The following IL34 variants were observed in gnomAD, a reference collection of about 807,000 sequenced individuals.
IL34 encodes the protein interleukin 34.
A neutral mutation model predicts 25.3 loss-of-function variants in IL34; 17 were observed. The observed-to-expected ratio is 0.67, with a 90% CI of 0.46 to 1.01. The LOEUF (loss-of-function observed/expected upper bound fraction) is 1.01, where lower values mean the gene tolerates loss of function less well. Among genes scored for constraint, IL34 ranks in the 50% least tolerant of loss-of-function variants. The pLI, the probability that IL34 is intolerant of heterozygous loss-of-function variation, is 0.00. For missense variants in IL34, 368 were observed against 312.9 expected, an observed-to-expected ratio of 1.18 and a Z score of -1.33; for synonymous variants, 174 against 140.9, an observed-to-expected ratio of 1.23 and a Z score of -1.66.
intron 1 of IL34, among the ~76,000 whole-genome samples, chr16:70,591,122 G>A (rs1039948983): frequency 6.6e-6 from 1 of 152,190 alleles, no homozygotes; most frequent in Non-Finnish European, 1.5e-5. Flanking sequence ...GCCATTCAAC[G>A]AGACACTCCT....
upstream of IL34, among the ~76,000 whole-genome samples, chr16:70,645,914 A>G (rs112991084): frequency 2.0e-5 from 3 of 152,072 alleles, no homozygotes; most frequent in Admixed American, 2.0e-4. Context: ...TTAGCCAGGC[A>G]TGGTAGTGCA....
intron 1 of IL34, among the ~76,000 whole-genome samples, chr16:70,603,763 G>T (rs1327308880): frequency 6.6e-6 from 1 of 151,906 alleles, no homozygotes; most frequent in Non-Finnish European, 1.5e-5. Context: ...AATTTTTTCT[G>T]TAGAGACGGG....
At position 70,656,982 on chromosome 16, in the gene IL34, G is replaced by T. The variant is rs377411431; in HGVS notation, c.263G>T (p.Arg88Leu). Reference protein sequence around the residue: ...TRLQRAQVSERELRYLWVLVS... With the variant: ...TRLQRAQVSELELRYLWVLVS... ...CAGCAGAGGGCCCAGGTGAGCGAGC[G>T]GGAGCTGCGGTATCTGTGGGTCTTG... The change falls in exon 4 of 6, where the codon CGG becomes CTG. Residue 88 changes from arginine to leucine, a missense_variant. Arg to Leu is a moderately radical substitution (Grantham distance 102). Coordinates refer to ENST00000288098, the MANE Select transcript of IL34 (RefSeq NM_001393494.1). The T allele has an allele frequency of 2.5e-6, 4 of 1,610,540 alleles. No homozygotes were observed. In the African/African-American group the frequency reaches 5.3e-5, roughly 22 times the overall value.
At chr16:70,619,581 G>A (rs1240664974) in intron 1 of IL34, among the ~76,000 whole-genome samples, 1 of 151,552 alleles carries the variant, frequency 6.6e-6, no homozygotes, top group Admixed American at 6.6e-5. Context: ...AGGGAAACAG[G>A]CCCTTGAAAA....
In IL34 at chr16:70,646,987, G is replaced by A. The variant is rs1363304346; in HGVS notation, c.28+12G>A. 3 of 1,453,166 alleles carry A rather than the reference G, an allele frequency of 2.1e-6. No individual in the cohort carries two copies. In the East Asian group the frequency reaches 8.9e-5, roughly 43 times the overall value. The allele number at this position is 1,453,166 out of a possible 1,614,324, so 90.0% of individuals were successfully genotyped here. ...CACCTGGCTGCGCTGTGAGTACTGG[G>A]GGGTCCCTAGGGACCTGCATTGGGA... On this transcript the variant is annotated intron_variant, in intron 1 of 5. Transcript: ENST00000288098.
At chr16:70,620,388 G>T (rs1164575511) in intron 1 of IL34, among the ~76,000 whole-genome samples, 3 of 152,092 alleles carry the variant, frequency 2.0e-5, no homozygotes, top group Admixed American at 1.3e-4. Context: ...CTGGGCAGGT[G>T]GGGGAGGGCT....
At chr16:70,592,353 CTGAGGTGT>C (rs915224144) in intron 1 of IL34, among the ~76,000 whole-genome samples, 5 of 152,266 alleles carry the variant, frequency 3.3e-5, no homozygotes, top group African/African-American at 1.2e-4. Context: ...TGACCGCCTC[CTGAGGTGT>C]AATAGAAGGC....
At chr16:70,588,304 G>A (rs2050716803) in intron 1 of IL34, among the ~76,000 whole-genome samples, 1 of 151,974 alleles carries the variant, frequency 6.6e-6, no homozygotes, top group East Asian at 1.9e-4. Flanking sequence ...GACCAGCCTG[G>A]CCAACATGGC....
At chr16:70,624,808 T>C (rs1027552413) in intron 1 of IL34, among the ~76,000 whole-genome samples, 1 of 151,582 alleles carries the variant, frequency 6.6e-6, no homozygotes, top group South Asian at 2.1e-4. Flanking sequence ...TGAGGAAGAA[T>C]TGGGACCTAG....
chr16:70,621,495 TG>T (rs1488613489), intron 1 of IL34, among the ~76,000 whole-genome samples: 2 of 152,016 alleles, frequency 1.3e-5, no homozygotes, highest in South Asian at 2.1e-4. Flanking sequence ...TTCCTTGGGC[TG>T]GTCGGTCTGA....
At chr16:70,592,997 T>C (rs1363909818) in intron 1 of IL34, among the ~76,000 whole-genome samples, 2 of 152,176 alleles carry the variant, frequency 1.3e-5, no homozygotes, top group Non-Finnish European at 2.9e-5. Context: ...TTCTTTTTCT[T>C]TTTTTAATAA....
intron 1 of IL34, among the ~76,000 whole-genome samples, chr16:70,625,408 G>A (rs1464841507): frequency 1.3e-5 from 2 of 152,066 alleles, no homozygotes; most frequent in Admixed American, 6.6e-5. Context: ...GGGATTGGGG[G>A]TTCTTGCCCC....
intron 1 of IL34, among the ~76,000 whole-genome samples, chr16:70,628,509 CAG>C (rs2051446150): frequency 6.8e-6 from 1 of 147,532 alleles, no homozygotes; most frequent in South Asian, 2.1e-4. Flanking sequence ...TTTTTTGAGA[CAG>C]AGTCTTGCTC....
chr16:70,622,165 G>A (rs923714282), intron 1 of IL34, among the ~76,000 whole-genome samples: 14 of 152,132 alleles, frequency 9.2e-5, no homozygotes, highest in Middle Eastern at 3.4e-3. Context: ...CTAAACTGAG[G>A]AATTATGTCT....
chr16:70,623,742 T>C (rs1477649978), intron 1 of IL34, among the ~76,000 whole-genome samples: 3 of 151,642 alleles, frequency 2.0e-5, no homozygotes, highest in Non-Finnish European at 4.4e-5. Context: ...GGGAAGCAGA[T>C]AATTTAGTTA....
intron 1 of IL34, among the ~76,000 whole-genome samples, chr16:70,599,050 G>T (rs1033447367): frequency 2.0e-5 from 3 of 152,192 alleles, no homozygotes; most frequent in Admixed American, 6.5e-5. Context: ...AAAAGGCAAG[G>T]CTAGGGTCAT....
intron 1 of IL34, among the ~76,000 whole-genome samples, chr16:70,623,789 G>A (rs2051329561): frequency 6.6e-6 from 1 of 151,300 alleles, no homozygotes; most frequent in Non-Finnish European, 1.5e-5. Context: ...GGGCAGGTGG[G>A]GATAACTAAA....
rs80268322 is a variant in IL34, at chr16:70,654,080, C to T, written c.29-458C>T. On this transcript the variant is annotated intron_variant, in intron 1 of 5. Transcript: ENST00000288098. ...GAGCAGGAAGGAAAGTGGTGTGGGG[C>T]GTGGGTGACTGAAGAGTCATTTTAT... The T allele has an allele frequency of 5.3e-4, 81 of 153,798 alleles. 1 individual carries two copies. Among genetic ancestry groups the T allele is most frequent in the Middle Eastern group, 3.4e-3 (1 of 296 alleles). 9.5% of individuals were successfully genotyped at this position (153,798 alleles called of 1,614,324 possible). A position where few individuals can be genotyped will look rare whatever the true frequency, so the allele number is the denominator to read the frequency against.
intron 1 of IL34, among the ~76,000 whole-genome samples, chr16:70,627,779 G>T (rs940842233): frequency 6.6e-6 from 1 of 152,078 alleles, no homozygotes; most frequent in African/African-American, 2.4e-5. Context: ...CTTATTTCTT[G>T]TCACAGATTG....
Sources: allele counts gnomAD v4.1 joint callset (sites outside exome capture counted in the v4.1 genomes callset), GRCh38; gene constraint gnomAD v4.1.1; transcripts MANE v1.5; gene names NCBI Gene and HGNC (gene_info 2026-07-23, HGNC 2026-07-21).